The following PPP1R9A variants were observed in gnomAD, a reference collection of about 807,000 sequenced individuals.
The protein encoded by PPP1R9A is neurabin-1.
PPP1R9A carries 59 observed loss-of-function variants against 141.9 expected under a neutral mutation model. The observed-to-expected ratio is 0.42, with a 90% CI of 0.34 to 0.52. PPP1R9A has a LOEUF of 0.52. Among genes scored for constraint, PPP1R9A ranks in the 20% least tolerant of loss-of-function variants. PPP1R9A has a pLI of 0.10. For missense variants in PPP1R9A, 1,444 were observed against 1,611.9 expected, an observed-to-expected ratio of 0.90 and a Z score of 1.78; for synonymous variants, 500 against 569.7, an observed-to-expected ratio of 0.88 and a Z score of 1.74.
chr7:95,090,455 C>T (rs1404707422), intron 2 of PPP1R9A, among the ~76,000 whole-genome samples: 2 of 151,704 alleles, frequency 1.3e-5, no homozygotes, highest in Non-Finnish European at 2.9e-5. Flanking sequence ...TTGTAATGAG[C>T]GTTTTTAAGA....
rs1047493175 is a variant in PPP1R9A, at chr7:95,134,444, C to T, written c.1649+13612C>T. On this transcript the variant is annotated intron_variant, in intron 4 of 19. Coordinates refer to ENST00000433360, the MANE Select transcript of PPP1R9A (RefSeq NM_001166160.2). ...ACACATGTATACCTGTATAACAAAC[C>T]TGCACATTCTGCACATGTATTCACT... is the stretch of plus-strand genomic sequence containing the variant. Among the ~76,000 whole-genome samples, 8 of 152,206 alleles carry T rather than the reference C, an allele frequency of 5.3e-5. No individual in the cohort carries two copies. The East Asian group carries it at 5.8e-4, about 11-fold the overall frequency.
chr7:95,128,740 C>T (rs574664257), intron 4 of PPP1R9A, among the ~76,000 whole-genome samples: 3 of 152,240 alleles, frequency 2.0e-5, no homozygotes, highest in South Asian at 2.1e-4. Context: ...CCACGCCTGG[C>T]TAATTTTTGT....
At chr7:95,031,401 TTTTAA>T (rs1807665401) in intron 2 of PPP1R9A, among the ~76,000 whole-genome samples, 1 of 152,186 alleles carries the variant, frequency 6.6e-6, no homozygotes, top group South Asian at 2.1e-4. Context: ...AAAGTGATAA[TTTTAA>T]TTTATCTTGG....
chr7:95,007,851 C>G (rs1469440666), intron 2 of PPP1R9A, among the ~76,000 whole-genome samples: 2 of 152,076 alleles, frequency 1.3e-5, no homozygotes, highest in African/African-American at 4.8e-5. Context: ...GCGGGCGGAT[C>G]ACCTGAGGTC....
At chr7:94,992,712 C>G (rs545683263) in intron 2 of PPP1R9A, among the ~76,000 whole-genome samples, 2 of 152,230 alleles carry the variant, frequency 1.3e-5, no homozygotes, top group East Asian at 3.9e-4. Context: ...TTAGATTTCT[C>G]TAATGGCTAA....
intron 2 of PPP1R9A, among the ~76,000 whole-genome samples, chr7:95,059,138 T>A (rs1290442293): frequency 1.3e-5 from 2 of 152,184 alleles, no homozygotes; most frequent in Non-Finnish European, 2.9e-5. Flanking sequence ...CACCTCCATG[T>A]GTTTTTTTTC....
chr7:95,256,737 G>A (rs889192929), intron 12 of PPP1R9A, among the ~76,000 whole-genome samples: 2 of 152,046 alleles, frequency 1.3e-5, no homozygotes, highest in Admixed American at 6.6e-5. Context: ...AAAAACTCGA[G>A]TCTTCTGATT....
chr7:94,961,844 C>G (rs1797677195), intron 2 of PPP1R9A, among the ~76,000 whole-genome samples: 1 of 151,628 alleles, frequency 6.6e-6, no homozygotes, highest in South Asian at 2.1e-4. Context: ...TGAGTGGAGC[C>G]CAAGTATTGA....
chr7:95,250,083 C>A lies in PPP1R9A; in HGVS notation c.2224C>A (p.Gln742Lys), dbSNP rs759293634. Residue 742 changes from glutamine (Q) to lysine (K), a missense_variant, in exon 10 of 20, where the codon CAA (glutamine) becomes AAA (lysine). Coordinates refer to ENST00000433360, the MANE Select transcript of PPP1R9A (RefSeq NM_001166160.2). ...RWELEKTQLQQNIEENKERML... is the reference protein window; with the variant it reads ...RWELEKTQLQKNIEENKERML... ...GGAACTAGAAAAAACCCAACTCCAA[C>A]AAAACATAGAAGAGAATAAGGAAAG... 161 of 1,612,404 alleles carry A rather than the reference C, an allele frequency of 1.0e-4. No homozygotes were observed. The highest frequency in any genetic ancestry group is 1.3e-4 in the Non-Finnish European group (156 of 1,179,532).
At chr7:95,099,625 A>G (rs2152390696) in intron 2 of PPP1R9A, among the ~76,000 whole-genome samples, 1 of 152,258 alleles carries the variant, frequency 6.6e-6, no homozygotes, top group Non-Finnish European at 1.5e-5. Context: ...TGATTACTTT[A>G]ATGGCATAAA....
intron 2 of PPP1R9A, among the ~76,000 whole-genome samples, chr7:95,053,925 GATAGGAA>G (rs746148300): frequency 3.2e-4 from 48 of 152,110 alleles, no homozygotes; most frequent in Non-Finnish European, 6.0e-4. Flanking sequence ...GTCTATTGAA[GATAGGAA>G]AGATCTGAAG....
At chr7:95,242,266 A>C (rs1330463589) in intron 8 of PPP1R9A, among the ~76,000 whole-genome samples, 1 of 152,170 alleles carries the variant, frequency 6.6e-6, no homozygotes, top group South Asian at 2.1e-4. Flanking sequence ...ATAACTAAAA[A>C]TTTAGATCCC....
At chr7:95,275,043 T>G (rs1338924635) in intron 16 of PPP1R9A, among the ~76,000 whole-genome samples, 1 of 152,238 alleles carries the variant, frequency 6.6e-6, no homozygotes, top group African/African-American at 2.4e-5. Flanking sequence ...CTATTGCCAT[T>G]ACTGTTACCT....
At chr7:95,172,667 A>G (rs555055670) in intron 5 of PPP1R9A, among the ~76,000 whole-genome samples, 3 of 152,008 alleles carry the variant, frequency 2.0e-5, no homozygotes, top group South Asian at 2.1e-4. Context: ...ACCATGTTCA[A>G]TGTATTATAA....
At chr7:95,125,093 C>T (rs1823333449) in intron 4 of PPP1R9A, among the ~76,000 whole-genome samples, 1 of 152,160 alleles carries the variant, frequency 6.6e-6, no homozygotes, top group Admixed American at 6.6e-5. Flanking sequence ...CTTAAACTTA[C>T]AGGGTGCTCA....
intron 10 of PPP1R9A, among the ~76,000 whole-genome samples, 172 bp from the exon 11 acceptor site, chr7:95,251,590 T>C (rs951814164): frequency 2.6e-5 from 4 of 152,198 alleles, no homozygotes; most frequent in African/African-American, 9.6e-5. Flanking sequence ...TTGTGACCCA[T>C]TAAAGATGTT....
At chr7:95,121,686 A>C (rs1260913944) in intron 4 of PPP1R9A, among the ~76,000 whole-genome samples, 1 of 152,110 alleles carries the variant, frequency 6.6e-6, no homozygotes, top group Non-Finnish European at 1.5e-5. Flanking sequence ...GGGAAGTCCA[A>C]GATTAAGGGG....
intron 4 of PPP1R9A, among the ~76,000 whole-genome samples, chr7:95,154,518 TAAG>T (rs1352822320): frequency 6.6e-6 from 1 of 152,270 alleles, no homozygotes; most frequent in Non-Finnish European, 1.5e-5. Context: ...GCAGATCCTT[TAAG>T]AAGAATTTTT....
In PPP1R9A at chr7:95,290,507, C is replaced by T. The variant is rs368501724; in HGVS notation, c.*204C>T. 2.7e-4 allele frequency: 156 copies of T among 572,844 alleles called. No homozygotes were observed. The highest frequency in any genetic ancestry group is 1.8e-3 in the African/African-American group (99 of 53,560). 35.5% of individuals were successfully genotyped at this position (572,844 alleles called of 1,614,324 possible). ...TAACTACTAAAATAATCCCAAGCCA[C>T]CTTTGGTTCATTAACAAACCAGAGA... On this transcript the variant is annotated 3_prime_UTR_variant, in exon 20 of 20. Transcript: ENST00000433360.
Sources: gnomAD v4.1 joint callset for allele counts (sites outside exome capture counted in the v4.1 genomes callset) on GRCh38, gnomAD v4.1.1 for gene constraint, MANE v1.5 for transcripts, NCBI Gene and HGNC (gene_info 2026-07-23, HGNC 2026-07-21) for gene names.